Variants in NFAT5 observed in about 807,000 individuals in gnomAD.
The protein encoded by NFAT5 is nuclear factor of activated T cells 5.
In NFAT5, 31 loss-of-function variants were observed where a neutral mutation model predicts 166.5. The observed-to-expected ratio is 0.19, with a 90% CI of 0.14 to 0.25. The LOEUF (loss-of-function observed/expected upper bound fraction) is 0.25, where lower values mean the gene tolerates loss of function less well. Ranked by LOEUF, NFAT5 falls within the 10% of genes least tolerant of loss-of-function variation. The pLI, the probability that NFAT5 is intolerant of heterozygous loss-of-function variation, is 1.00. For missense variants in NFAT5, 1,449 were observed against 1,821.8 expected (o/e 0.80, Z 3.72); for synonymous variants, 612 against 639.7 (o/e 0.96, Z 0.65).
rs531668079 is a variant in NFAT5, at chr16:69,584,541, G to T, written c.127+15993G>T. Among the ~76,000 whole-genome samples, 3 of 152,084 alleles carry T rather than the reference G, an allele frequency of 2.0e-5. No individual in the cohort carries two copies. In the East Asian group the frequency reaches 5.8e-4, roughly 29 times the overall value. ...GACAGGGTTTCACCATGTTGGCCAG[G>T]CTGGTCTCGAATTCCTGACCTTAAG... is the stretch of plus-strand genomic sequence containing the variant. On this transcript the variant is annotated intron_variant, in intron 2 of 14. Transcript: ENST00000349945.
intron 2 of NFAT5, among the ~76,000 whole-genome samples, chr16:69,611,117 T>C (rs182401529): frequency 6.6e-5 from 10 of 152,348 alleles, no homozygotes; most frequent in African/African-American, 1.9e-4. Context: ...CAAAATAATA[T>C]ATGTAAAATA....
chr16:69,590,386 A>T (rs1444533571), intron 2 of NFAT5, among the ~76,000 whole-genome samples: 1 of 152,212 alleles, frequency 6.6e-6, no homozygotes, highest in African/African-American at 2.4e-5. Context: ...GCTATTTAAA[A>T]AACTGTATTA....
chr16:69,576,395 A>G (rs1015220913), intron 2 of NFAT5, among the ~76,000 whole-genome samples: 2 of 152,116 alleles, frequency 1.3e-5, no homozygotes, highest in African/African-American at 4.8e-5. Flanking sequence ...TAGTTTGTGT[A>G]GGATTCTTTA....
intron 4 of NFAT5, chr16:69,649,225 A>G: frequency 1.0e-6 from 1 of 957,242 alleles, no homozygotes; most frequent in Non-Finnish European, 1.2e-6. Context: ...CATGAATATC[A>G]TTTAATTACA....
At position 69,659,757 on chromosome 16, in the gene NFAT5, G is replaced by A; in HGVS notation, c.1227G>A (p.Arg409=). ...ACTGCGTAGGGATATTGAAATTGAG[G>A]AATGCTGATGTCGAAGCCAGAATAG... ...AVDCVGILKL[R]NADVEARIGI... The change falls in exon 7 of 15, where the codon AGG becomes AGA. Residue 409 remains arginine, a synonymous_variant. Transcript: ENST00000349945. The A allele has an allele frequency of 1.2e-6, 2 of 1,613,704 alleles. No homozygotes were observed. The highest frequency in any genetic ancestry group is 1.7e-6 in the Non-Finnish European group (2 of 1,179,838).
chr16:69,595,608 A>G (rs1221655648), intron 2 of NFAT5, among the ~76,000 whole-genome samples: 1 of 152,194 alleles, frequency 6.6e-6, no homozygotes, highest in African/African-American at 2.4e-5. Flanking sequence ...AGCATGAATA[A>G]TTTCTTTTTC....
At chr16:69,689,012 G>A (rs1365454481) in intron 11 of NFAT5, among the ~76,000 whole-genome samples, 1 of 152,182 alleles carries the variant, frequency 6.6e-6, no homozygotes, top group African/African-American at 2.4e-5. Flanking sequence ...GGTGGCTCAC[G>A]CCTATAATCC....
In NFAT5 at chr16:69,688,211, A is replaced by AAACAAAAAC. The variant is rs946559228; in HGVS notation, c.1775-2727_1775-2726insCAAAAACAA. The stretch of plus-strand genomic sequence containing the variant: ...GAGCGAGACTCCGTCTCAAAAAAAA[A>AAACAAAAAC]AAAAAAAAAAAAAAACCAGGAGTTT... On this transcript the variant is annotated intron_variant, in intron 11 of 14. Transcript: ENST00000349945. 1.1e-3 allele frequency among the ~76,000 whole-genome samples: 139 copies of AAACAAAAAC among 123,980 alleles called. 3 individuals are homozygous for AAACAAAAAC. The highest frequency in any genetic ancestry group is 5.3e-3 in the African/African-American group (135 of 25,422). 81.3% of individuals were successfully genotyped at this position (123,980 alleles called of 152,430 possible). A position where few individuals can be genotyped will look rare whatever the true frequency, so the allele number is the denominator to read the frequency against.
intron 14 of NFAT5, among the ~76,000 whole-genome samples, chr16:69,695,978 A>G (rs557419026): frequency 2.6e-5 from 4 of 152,200 alleles, no homozygotes; most frequent in South Asian, 2.1e-4. Context: ...CTTATCCCCA[A>G]GATATCTCAT....
chr16:69,673,724 CA>C (rs149862885), intron 9 of NFAT5, among the ~76,000 whole-genome samples: 6 of 136,054 alleles, frequency 4.4e-5, no homozygotes, highest in African/African-American at 8.1e-5. Context: ...CTGTCTCAAA[CA>C]AAAAAAAAAG....
chr16:69,693,465 C>G lies in NFAT5; in HGVS notation c.3640C>G (p.Leu1214Val). The G allele has an allele frequency of 1.2e-6, 2 of 1,614,194 alleles. No homozygotes were observed. The highest frequency in any genetic ancestry group is 8.5e-7 in the Non-Finnish European group (1 of 1,180,032). Residue 1214 changes from leucine (L) to valine (V), a missense_variant, in exon 13 of 15, where the codon CTT (leucine) becomes GTT (valine). Leu to Val is a conservative substitution (Grantham distance 32, BLOSUM62 1). Transcript: ENST00000349945. ...APISHIQTPM[L>V]SQEQAQPPQQ... ...AATATCACACATCCAGACTCCTATG[C>G]TTTCCCAAGAACAGGCACAACCCCC...
chr16:69,660,263 T>TA (rs57098516), intron 7 of NFAT5, among the ~76,000 whole-genome samples: 2 of 151,890 alleles, frequency 1.3e-5, no homozygotes, highest in Admixed American at 6.6e-5. Context: ...CTCTACAAAA[T>TA]AAAAAAATAT....
At chr16:69,585,796 A>G (rs1367653409) in intron 2 of NFAT5, among the ~76,000 whole-genome samples, 1 of 152,208 alleles carries the variant, frequency 6.6e-6, no homozygotes, top group Admixed American at 6.5e-5. Flanking sequence ...TAAAATAGGC[A>G]GAGAAAGAAA....
At position 69,566,449 on chromosome 16, in the gene NFAT5, A is replaced by G. The variant is rs2016041942; in HGVS notation, c.73+75A>G. On this transcript the variant is annotated intron_variant, in intron 1 of 14. Coordinates refer to ENST00000349945, the MANE Select transcript of NFAT5 (RefSeq NM_138713.4). The surrounding 1 kb of genome is among the most constrained non-coding windows in gnomAD (Gnocchi z 5.7). ...CAGGGAGACAGGGCCAGGGGAGGCGAGGGGTCCCCGTCCCGCCGGGGGCGG... is the reference window on the plus strand; with the variant it reads ...CAGGGAGACAGGGCCAGGGGAGGCGGGGGGTCCCCGTCCCGCCGGGGGCGG... The G allele has an allele frequency of 2.3e-6, 3 of 1,301,552 alleles. No individual in the cohort carries two copies. In the Admixed American group the frequency reaches 6.0e-5, roughly 26 times the overall value. 80.6% of individuals were successfully genotyped at this position (1,301,552 alleles called of 1,614,324 possible). A position where few individuals can be genotyped will look rare whatever the true frequency, so the allele number is the denominator to read the frequency against.
chr16:69,605,526 T>C (rs1257478616), intron 2 of NFAT5, among the ~76,000 whole-genome samples: 2 of 152,218 alleles, frequency 1.3e-5, no homozygotes, highest in Non-Finnish European at 2.9e-5. Flanking sequence ...GGCTTGGCGC[T>C]GGGCAAATGT....
chr16:69,626,573 TA>T, intron 3 of NFAT5, 45 bp downstream of exon 3: 1 of 1,451,526 alleles, frequency 6.9e-7, no homozygotes, highest in Non-Finnish European at 9.1e-7. Context: ...AGGGCCAATA[TA>T]AATCTGGCCA....
chr16:69,696,417 G>C lies in NFAT5; in HGVS notation c.*66G>C, dbSNP rs749756198. ...GTCCTGAGATCTTGTGGTTCCATGAGAATTATTACTTTAAAAACAAAACAA... is the reference window on the plus strand; with the variant it reads ...GTCCTGAGATCTTGTGGTTCCATGACAATTATTACTTTAAAAACAAAACAA... On this transcript the variant is annotated 3_prime_UTR_variant, in exon 15 of 15. Coordinates refer to ENST00000349945, the MANE Select transcript of NFAT5 (RefSeq NM_138713.4). 6.6e-6 allele frequency: 1 copy of C among 152,514 alleles called. No homozygotes were observed. The highest frequency in any genetic ancestry group is 1.5e-5 in the Non-Finnish European group (1 of 68,018). The allele number at this position is 152,514 out of a possible 1,614,324, so 9.4% of individuals were successfully genotyped here.
Position 69,693,821 on chromosome 16 carries a change from C to T in NFAT5, c.3996C>T (p.Asn1332=). The T allele has an allele frequency of 1.2e-6, 2 of 1,614,186 alleles. No individual in the cohort carries two copies. Among genetic ancestry groups the T allele is most frequent in the Non-Finnish European group, 8.5e-7 (1 of 1,180,020 alleles). ...QNQSIFHQQS[N]MAPMNQEQQP... is the part of the protein sequence containing the mutation. Reference sequence around the variant, plus strand: ...AGTCAATTTTTCACCAACAAAGTAACATGGCCCCAATGAATCAAGAGCAAC... The same window carrying T: ...AGTCAATTTTTCACCAACAAAGTAATATGGCCCCAATGAATCAAGAGCAAC... Residue 1332 remains asparagine, a synonymous_variant, in exon 13 of 15, where the codon AAC becomes AAT. Coordinates refer to ENST00000349945, the MANE Select transcript of NFAT5 (RefSeq NM_138713.4).
chr16:69,568,628 T>G, intron 2 of NFAT5, 80 bp downstream of exon 2: 1 of 1,187,120 alleles, frequency 8.4e-7, no homozygotes, highest in Non-Finnish European at 1.2e-6. Context: ...TGGGAAAGTA[T>G]GAAACTTTGC....
Sources: allele counts gnomAD v4.1 joint callset (sites outside exome capture counted in the v4.1 genomes callset), GRCh38; gene constraint gnomAD v4.1.1; non-coding constraint Gnocchi (gnomAD v3.1); transcripts MANE v1.5; gene names NCBI Gene and HGNC (gene_info 2026-07-23, HGNC 2026-07-21).